The following SLC9A4 variants were observed in gnomAD, a reference collection of about 807,000 sequenced individuals.
SLC9A4 encodes sodium/hydrogen exchanger 4.
Under a neutral mutation model 67.4 loss-of-function variants are expected in SLC9A4, and 63 were observed. That is an observed-to-expected ratio of 0.93 (90% CI 0.76 to 1.15). SLC9A4 has a LOEUF of 1.15. SLC9A4 is among the 50% of genes most tolerant of loss of function. The probability of loss-of-function intolerance (pLI) is 0.00; values close to 1 mark genes in which losing one functional copy is unlikely to be tolerated. For missense variants in SLC9A4, 1,089 were observed against 987.7 expected (o/e 1.10, Z -1.38); for synonymous variants, 393 against 367.2 (o/e 1.07, Z -0.80).
intron 1 of SLC9A4, among the ~76,000 whole-genome samples, chr2:102,478,581 G>A (rs1317746036): frequency 1.3e-5 from 2 of 152,168 alleles, no homozygotes; most frequent in Non-Finnish European, 2.9e-5. Context: ...GTCCCTGTAA[G>A]ATAGGAAAGC....
chr2:102,532,867 T>C lies in SLC9A4; in HGVS notation c.*179T>C, dbSNP rs1008254891. The C allele has an allele frequency of 2.6e-4, 157 of 615,390 alleles. No homozygotes were observed. The Middle Eastern group carries it at 3.1e-3, about 12-fold the overall frequency. The allele number at this position is 615,390 out of a possible 1,614,324, so 38.1% of individuals were successfully genotyped here. ...AAGGACTGGGAGCAAACTTGCAGGC[T>C]CTGCCATGTACTTATTGTGGGGTAC... On this transcript the variant is annotated 3_prime_UTR_variant, in exon 12 of 12. Coordinates refer to ENST00000295269, the MANE Select transcript of SLC9A4 (RefSeq NM_001011552.4).
intron 8 of SLC9A4, among the ~76,000 whole-genome samples, chr2:102,515,268 G>A (rs1017625993): frequency 3.3e-5 from 5 of 151,716 alleles, no homozygotes; most frequent in African/African-American, 1.2e-4. Flanking sequence ...TATTGCCTGA[G>A]TGTTATTTCT....
intron 2 of SLC9A4, among the ~76,000 whole-genome samples, chr2:102,495,301 T>TTAA (rs1217900270): frequency 3.9e-5 from 6 of 152,050 alleles, no homozygotes. Context: ...CAGAAATACT[T>TTAA]CGAAGTGAAT....
At chr2:102,504,054 T>G (rs1444574140) in intron 3 of SLC9A4, among the ~76,000 whole-genome samples, 1 of 152,118 alleles carries the variant, frequency 6.6e-6, no homozygotes, top group East Asian at 1.9e-4. Flanking sequence ...AAAAGTGTTT[T>G]TTTGTTTGTT....
At position 102,514,238 on chromosome 2, in the gene SLC9A4, T is replaced by A; in HGVS notation, c.1708T>A (p.Ser570Thr). The A allele has an allele frequency of 6.2e-7, 1 of 1,611,124 alleles. No homozygotes were observed. The highest frequency in any genetic ancestry group is 8.5e-7 in the Non-Finnish European group (1 of 1,178,246). The change falls in exon 8 of 12, where the codon TCC (serine) becomes ACC (threonine). Residue 570 changes from serine (S) to threonine (T), a missense_variant. By Grantham distance (58) the Ser-to-Thr change is moderately conservative (BLOSUM62 1). Transcript: ENST00000295269. ...ETGILSSTAF[S>T]IPHQAQRIQG... ...TGGGATACTGAGCTCTACAGCTTTC[T>A]CCATACCCCATCAGTGAGTCATATC...
intron 2 of SLC9A4, among the ~76,000 whole-genome samples, chr2:102,480,946 T>G (rs1356878889): frequency 1.3e-5 from 2 of 152,128 alleles, no homozygotes; most frequent in African/African-American, 4.8e-5. Flanking sequence ...GGCTTTGTGG[T>G]AACAAGAGGG....
At chr2:102,525,660 G>A (rs1364643651) in intron 10 of SLC9A4, among the ~76,000 whole-genome samples, 1 of 151,996 alleles carries the variant, frequency 6.6e-6, no homozygotes, top group African/African-American at 2.4e-5. Context: ...CAGTCTTACT[G>A]GCAATTTGAA....
chr2:102,489,091 T>A (rs1573332342), intron 2 of SLC9A4, among the ~76,000 whole-genome samples: 1 of 152,240 alleles, frequency 6.6e-6, no homozygotes, highest in East Asian at 1.9e-4. Flanking sequence ...TGCTTGCTTT[T>A]ATGGTTAAAA....
intron 1 of SLC9A4, among the ~76,000 whole-genome samples, chr2:102,477,714 A>C (rs1202495842): frequency 6.6e-6 from 1 of 152,182 alleles, no homozygotes; most frequent in Non-Finnish European, 1.5e-5. Context: ...GGAAAAGGAC[A>C]ATCCAAGCAG....
intron 2 of SLC9A4, among the ~76,000 whole-genome samples, chr2:102,502,584 T>C (rs1684966322): frequency 6.6e-6 from 1 of 152,204 alleles, no homozygotes. Context: ...GGTTCACCTT[T>C]TACTGGAGAA....
At chr2:102,496,903 A>T (rs1055611995) in intron 2 of SLC9A4, among the ~76,000 whole-genome samples, 2 of 152,238 alleles carry the variant, frequency 1.3e-5, no homozygotes, top group African/African-American at 4.8e-5. Context: ...GTGGGTGTGT[A>T]AAATGATATG....
chr2:102,525,725 C>T (rs954545883), intron 10 of SLC9A4, among the ~76,000 whole-genome samples: 48 of 151,906 alleles, frequency 3.2e-4, no homozygotes, highest in African/African-American at 1.1e-3. Context: ...AGTGGGGATA[C>T]GAGAGTAACT....
rs753584724 is a variant in SLC9A4 at position 102,508,275 on chromosome 2, T to C, written c.1395T>C (p.Phe465=). The C allele has an allele frequency of 3.7e-6, 6 of 1,608,914 alleles. No homozygotes were observed. The African/African-American group carries it at 8.0e-5, about 22-fold the overall frequency. Residue 465 remains phenylalanine (F), a synonymous_variant, in exon 5 of 12, where the codon TTT becomes TTC. Transcript: ENST00000295269. Reference sequence around the variant, plus strand: ...TAGTAGTTATATACTTTACTGTATTTATTCAGGTAAGTAGATTTCCCTTAT... The same window carrying C: ...TAGTAGTTATATACTTTACTGTATTCATTCAGGTAAGTAGATTTCCCTTAT... ...ATLVVIYFTV[F]IQGITVGPLV...
chr2:102,532,891 A>G lies in SLC9A4; in HGVS notation c.*203A>G, dbSNP rs902800581. ...CTCTGCCATGTACTTATTGTGGGGT[A>G]CCTTTAGATGAATTCCCTGTGAGTG... On this transcript the variant is annotated 3_prime_UTR_variant, in exon 12 of 12. Coordinates refer to ENST00000295269, the MANE Select transcript of SLC9A4 (RefSeq NM_001011552.4). 7.8e-6 allele frequency: 4 copies of G among 515,434 alleles called. No homozygotes were observed. In the South Asian group the frequency reaches 1.2e-4, roughly 15 times the overall value. The allele number at this position is 515,434 out of a possible 1,614,324, so 31.9% of individuals were successfully genotyped here.
chr2:102,505,473 T>TA lies in SLC9A4; in HGVS notation c.1198+4dup. ...TCTGCCAAATCTGGAGAGCCATCAG[T>TA]AAGAGACGGCAGGGCTCCAGAGTCT... On this transcript the variant is annotated splice_region_variant and intron_variant, in intron 4 of 11. Transcript: ENST00000295269. 1 of 1,613,440 alleles carries TA rather than the reference T, an allele frequency of 6.2e-7. No homozygotes were observed. Among genetic ancestry groups the TA allele is most frequent in the Non-Finnish European group, 8.5e-7 (1 of 1,179,932 alleles).
chr2:102,488,261 A>C (rs974905128), intron 2 of SLC9A4, among the ~76,000 whole-genome samples: 4 of 152,142 alleles, frequency 2.6e-5, no homozygotes, highest in African/African-American at 7.2e-5. Context: ...GCCCGGTGTC[A>C]CGTGAAAAAC....
chr2:102,486,702 C>A (rs1251385459), intron 2 of SLC9A4, among the ~76,000 whole-genome samples: 2 of 152,110 alleles, frequency 1.3e-5, no homozygotes, highest in Admixed American at 1.3e-4. Flanking sequence ...GCCTCAGTTT[C>A]CACATATGTA....
intron 3 of SLC9A4, among the ~76,000 whole-genome samples, chr2:102,504,421 C>T (rs1347201035): frequency 2.0e-5 from 3 of 152,166 alleles, no homozygotes; most frequent in Non-Finnish European, 4.4e-5. Flanking sequence ...AGCCATGGCT[C>T]TTCAGTGTGT....
In SLC9A4 at chr2:102,473,982, C is replaced by T. The variant is rs2104408852; in HGVS notation, c.223C>T (p.Leu75Phe). 1.2e-6 allele frequency: 2 copies of T among 1,613,982 alleles called. No individual in the cohort carries two copies. The highest frequency in any genetic ancestry group is 1.7e-6 in the Non-Finnish European group (2 of 1,179,910). Residue 75 changes from leucine to phenylalanine, a missense_variant, in exon 1 of 12, where the codon CTC becomes TTC. By Grantham distance (22) the Leu-to-Phe change is conservative. Coordinates refer to ENST00000295269, the MANE Select transcript of SLC9A4 (RefSeq NM_001011552.4). Reference protein sequence around the residue: ...DYVQIPYEVTLWILLASLAKI... With the variant: ...DYVQIPYEVTFWILLASLAKI... ...TGTGCAAATTCCTTATGAGGTCACTCTCTGGATACTTCTAGCATCCCTTGC... is the reference window on the plus strand; with the variant it reads ...TGTGCAAATTCCTTATGAGGTCACTTTCTGGATACTTCTAGCATCCCTTGC...
Sources: gnomAD v4.1 joint callset for allele counts (sites outside exome capture counted in the v4.1 genomes callset) on GRCh38, gnomAD v4.1.1 for gene constraint, MANE v1.5 for transcripts, NCBI Gene and HGNC (gene_info 2026-07-23, HGNC 2026-07-21) for gene names.